STC2: variants seen among roughly 807,000 people sequenced by gnomAD.
STC2 encodes stanniocalcin-2.
STC2 carries 7 observed loss-of-function variants against 22.7 expected under a neutral mutation model. The ratio of observed to expected loss-of-function variants is 0.31; its 90% CI spans 0.18 to 0.58. STC2 has a LOEUF of 0.58. Among genes scored for constraint, STC2 ranks in the 20% least tolerant of loss-of-function variants. The pLI, the probability that STC2 is intolerant of heterozygous loss-of-function variation, is 0.89. For missense variants in STC2, 336 were observed against 406.2 expected, an observed-to-expected ratio of 0.83 and a Z score of 1.48; for synonymous variants, 158 against 163.4, an observed-to-expected ratio of 0.97 and a Z score of 0.25.
In STC2 at chr5:173,323,827, C is replaced by T. The variant is rs1470118247; in HGVS notation, c.295-397G>A. The stretch of plus-strand genomic sequence containing the variant: ...GCCAGACACAAATCCATAAATCCCT[C>T]ACGGTTCTCACAAGCAGTCTTCCCT... On this transcript the variant is annotated intron_variant, in intron 2 of 3. Transcript: ENST00000265087. This position sits in a 1 kb window ranked among gnomAD's most constrained non-coding sequence, Gnocchi z 5.4. Among the ~76,000 whole-genome samples, 1 of 152,132 alleles carries T rather than the reference C, an allele frequency of 6.6e-6. No homozygotes were observed. The highest frequency in any genetic ancestry group is 2.4e-5 in the African/African-American group (1 of 41,420).
In STC2 at chr5:173,317,920, A is replaced by G; in HGVS notation, c.836T>C (p.Leu279Pro). Residue 279 changes from leucine (L) to proline (P), a missense_variant, in exon 4 of 4, where the codon CTT becomes CCT. Leu to Pro is a moderately conservative substitution (Grantham distance 98). This residue lies in a region of STC2 where 215 missense variants were observed against 231.5 expected (regional missense o/e 0.93). Coordinates refer to ENST00000265087, the MANE Select transcript of STC2 (RefSeq NM_003714.3). ...GCTTCCGGAAGGTCCCTGAGCCCCA[A>G]GGCCCCCGACTCTGCCTCGGGCATG... ...NAHARGRVGG[L>P]GAQGPSGSSE... 1.2e-6 allele frequency: 2 copies of G among 1,612,530 alleles called. No individual in the cohort carries two copies. The highest frequency in any genetic ancestry group is 1.7e-6 in the Non-Finnish European group (2 of 1,179,122).
intron 1 of STC2, among the ~76,000 whole-genome samples, chr5:173,327,796 G>A (rs1453959068): frequency 6.6e-6 from 1 of 152,244 alleles, no homozygotes; most frequent in Non-Finnish European, 1.5e-5. Flanking sequence ...TCGACCCTGG[G>A]GAGGACAGCA....
Position 173,323,347 on chromosome 5 carries a change from C to T in STC2, c.378G>A (p.Pro126=). The T allele has an allele frequency of 2.5e-6, 4 of 1,614,224 alleles. No individual in the cohort carries two copies. Among genetic ancestry groups the T allele is most frequent in the Admixed American group, 1.7e-5 (1 of 60,028 alleles). The stretch of plus-strand genomic sequence containing the variant: ...ACTGGGACACCATTTCCCTGATGGC[C>T]GGGCACTTCCGGCTTATGCAGCCGA... ...HRFGCISRKC[P]AIREMVSQLQ... The change falls in exon 3 of 4, where the codon CCG becomes CCA. Residue 126 remains proline, a synonymous_variant. Transcript: ENST00000265087. This position sits in a 1 kb window ranked among gnomAD's most constrained non-coding sequence, Gnocchi z 5.4.
In STC2 at chr5:173,325,707, G is replaced by A. The variant is rs1030270721; in HGVS notation, c.294+161C>T. On this transcript the variant is annotated intron_variant, in intron 2 of 3. Transcript: ENST00000265087. This position sits in a 1 kb window ranked among gnomAD's most constrained non-coding sequence, Gnocchi z 4.7. ...TAGACACAGCTTATGAGTGCAGAAGGGAGACACTGGCATAATGTTTTATAC... is the reference window on the plus strand; with the variant it reads ...TAGACACAGCTTATGAGTGCAGAAGAGAGACACTGGCATAATGTTTTATAC... 8 of 955,754 alleles carry A rather than the reference G, an allele frequency of 8.4e-6. No individual in the cohort carries two copies. The African/African-American group carries it at 1.1e-4, about 14-fold the overall frequency. The allele number at this position is 955,754 out of a possible 1,614,324, so 59.2% of individuals were successfully genotyped here. A position where few individuals can be genotyped will look rare whatever the true frequency, so the allele number is the denominator to read the frequency against.
At chr5:173,327,270 T>C (rs1175070120) in intron 1 of STC2, among the ~76,000 whole-genome samples, 1 of 152,222 alleles carries the variant, frequency 6.6e-6, no homozygotes, top group Non-Finnish European at 1.5e-5. Flanking sequence ...GGAGGGGTCG[T>C]GGAGCGAAGG....
intron 3 of STC2, chr5:173,322,881 ACCTCTACAGCTACT>A (rs1762503554): frequency 3.2e-6 from 1 of 314,884 alleles, no homozygotes; most frequent in African/African-American, 2.1e-5. Context: ...CTGTAAGGAC[ACCTCTACAGCTACT>A]CAGAATATTC....
Position 173,318,049 on chromosome 5 carries a change from C to T in STC2, c.707G>A (p.Arg236Lys), listed in dbSNP as rs772205469. ...QPQVDRTKLS[R>K]AHHGEAGHHL... The stretch of plus-strand genomic sequence containing the variant: ...ATGTCCTGCTTCCCCGTGGTGGGCC[C>T]TGGAGAGCTTGGTTCTGTCCACCTG... Residue 236 changes from arginine to lysine, a missense_variant, in exon 4 of 4, where the codon AGG becomes AAG. Arg to Lys is a conservative substitution (Grantham distance 26). Coordinates refer to ENST00000265087, the MANE Select transcript of STC2 (RefSeq NM_003714.3). 6.2e-7 allele frequency: 1 copy of T among 1,611,212 alleles called. No individual in the cohort carries two copies. Among genetic ancestry groups the T allele is most frequent in the South Asian group, 1.1e-5 (1 of 90,956 alleles).
At position 173,318,264 on chromosome 5, in the gene STC2, CAAAGAGAG is replaced by C; in HGVS notation, c.507-23_507-16del. The C allele has an allele frequency of 1.7e-6, 2 of 1,177,016 alleles. No homozygotes were observed. The allele number at this position is 1,177,016 out of a possible 1,614,324, so 72.9% of individuals were successfully genotyped here. On this transcript the variant is annotated splice_polypyrimidine_tract_variant and intron_variant, in intron 3 of 3. Coordinates refer to ENST00000265087, the MANE Select transcript of STC2 (RefSeq NM_003714.3). Reference sequence around the variant, plus strand: ...CCACGTAGGGTCTAAAGATTGAAAGCAAAGAGAGAGAGAGAGAGAGAGAGAGAGAGAGA... The same window carrying C: ...CCACGTAGGGTCTAAAGATTGAAAGCAGAGAGAGAGAGAGAGAGAGAGAGA...
chr5:173,322,584 G>A (rs918186576), intron 3 of STC2, among the ~76,000 whole-genome samples: 1 of 152,212 alleles, frequency 6.6e-6, no homozygotes, highest in Non-Finnish European at 1.5e-5. Context: ...CCTTCTAAGG[G>A]AAAGGAAAGT....
chr5:173,324,541 C>T (rs930330585), intron 2 of STC2, among the ~76,000 whole-genome samples: 1 of 152,196 alleles, frequency 6.6e-6, no homozygotes, highest in African/African-American at 2.4e-5. Context: ...AACCATGTGG[C>T]CCGCATGGCC....
chr5:173,324,040 C>G (rs2113137709), intron 2 of STC2: 1 of 155,824 alleles, frequency 6.4e-6, no homozygotes, highest in East Asian at 1.9e-4. Flanking sequence ...GAAAATGACT[C>G]TACTCCTTTA....
In STC2 at chr5:173,323,503, C is replaced by G. The variant is rs563179465; in HGVS notation, c.295-73G>C. 2.4e-4 allele frequency: 333 copies of G among 1,410,838 alleles called. 1 individual carries two copies. The highest frequency in any genetic ancestry group is 1.2e-3 in the Admixed American group (63 of 50,778). The allele number at this position is 1,410,838 out of a possible 1,614,324, so 87.4% of individuals were successfully genotyped here. A position where few individuals can be genotyped will look rare whatever the true frequency, so the allele number is the denominator to read the frequency against. On this transcript the variant is annotated intron_variant, in intron 2 of 3. Coordinates refer to ENST00000265087, the MANE Select transcript of STC2 (RefSeq NM_003714.3). This position sits in a 1 kb window ranked among gnomAD's most constrained non-coding sequence, Gnocchi z 5.4. Reference sequence around the variant, plus strand: ...GACCTCGTTACATGCTTGGACATTTCAGCCCTTCTTGGGCTTACACAGGAT... The same window carrying G: ...GACCTCGTTACATGCTTGGACATTTGAGCCCTTCTTGGGCTTACACAGGAT...
Position 173,317,914 on chromosome 5 carries a change from G to A in STC2, c.842C>T (p.Ala281Val), listed in dbSNP as rs1444926070. ...CTCGCTGCTTCCGGAAGGTCCCTGA[G>A]CCCCAAGGCCCCCGACTCTGCCTCG... Reference protein sequence around the residue: ...HARGRVGGLGAQGPSGSSEWE... With the variant: ...HARGRVGGLGVQGPSGSSEWE... The change falls in exon 4 of 4, where the codon GCT (alanine) becomes GTT (valine). Residue 281 changes from alanine (A) to valine (V), a missense_variant. Ala to Val is a moderately conservative substitution (Grantham distance 64). Around this residue, in one of 3 missense-constraint regions of STC2, gnomAD observed 215 missense variants for 231.5 expected, o/e 0.93. Transcript: ENST00000265087. 6.2e-7 allele frequency: 1 copy of A among 1,612,252 alleles called. No homozygotes were observed. Among genetic ancestry groups the A allele is most frequent in the Admixed American group, 1.7e-5 (1 of 59,966 alleles).
Position 173,317,052 on chromosome 5 carries a change from A to G in STC2, c.*795T>C, listed in dbSNP as rs1476345111. The stretch of plus-strand genomic sequence containing the variant: ...TTAAACCCCCTTTGAGCTGGTTTTA[A>G]TGACCCAGTTGCTTTGTTTGAAAGC... On this transcript the variant is annotated 3_prime_UTR_variant, in exon 4 of 4. Transcript: ENST00000265087. 1.3e-5 allele frequency: 2 copies of G among 152,206 alleles called. No homozygotes were observed. Among genetic ancestry groups the G allele is most frequent in the African/African-American group, 2.4e-5 (1 of 41,412 alleles). The allele number at this position is 152,206 out of a possible 1,614,324, so 9.4% of individuals were successfully genotyped here. A position where few individuals can be genotyped will look rare whatever the true frequency, so the allele number is the denominator to read the frequency against.
intron 3 of STC2, chr5:173,322,982 G>C: frequency 3.5e-6 from 2 of 564,162 alleles, no homozygotes; most frequent in East Asian, 6.0e-5. Flanking sequence ...TTAGTAAAAC[G>C]ATTTCCCATT....
Position 173,322,570 on chromosome 5 carries a change from C to G in STC2, c.506+649G>C, listed in dbSNP as rs371514185. On this transcript the variant is annotated intron_variant, in intron 3 of 3. Transcript: ENST00000265087. Reference sequence around the variant, plus strand: ...CACTAATGTATGAGAGAAGGTAAACCGAACCTTCTAAGGGAAAGGAAAGTT... The same window carrying G: ...CACTAATGTATGAGAGAAGGTAAACGGAACCTTCTAAGGGAAAGGAAAGTT... Among the ~76,000 whole-genome samples the G allele has an allele frequency of 1.8e-3, 273 of 152,266 alleles. 2 individuals are homozygous for G. The highest frequency in any genetic ancestry group is 6.4e-3 in the African/African-American group (266 of 41,548).
In STC2 at chr5:173,317,042, G is replaced by T; in HGVS notation, c.*805C>A. 1 of 151,802 alleles carries T rather than the reference G, an allele frequency of 6.6e-6. No homozygotes were observed. 9.4% of individuals were successfully genotyped at this position (151,802 alleles called of 1,614,324 possible). ...TTTTTTTTTTTTAAACCCCCTTTGAGCTGGTTTTAATGACCCAGTTGCTTT... is the reference window on the plus strand; with the variant it reads ...TTTTTTTTTTTTAAACCCCCTTTGATCTGGTTTTAATGACCCAGTTGCTTT... On this transcript the variant is annotated 3_prime_UTR_variant, in exon 4 of 4. Coordinates refer to ENST00000265087, the MANE Select transcript of STC2 (RefSeq NM_003714.3).
Position 173,317,585 on chromosome 5 carries a change from A to C in STC2, c.*262T>G. ...CCCACTGACTCCACAGATGGAAAGA[A>C]GACAAAGGTACGAGGATAACGCGGG... On this transcript the variant is annotated 3_prime_UTR_variant, in exon 4 of 4. Coordinates refer to ENST00000265087, the MANE Select transcript of STC2 (RefSeq NM_003714.3). The C allele has an allele frequency of 3.3e-6, 1 of 301,688 alleles. No homozygotes were observed. The highest frequency in any genetic ancestry group is 9.0e-4 in the Middle Eastern group (1 of 1,112). The allele number at this position is 301,688 out of a possible 1,614,324, so 18.7% of individuals were successfully genotyped here.
chr5:173,323,083 C>A lies in STC2; in HGVS notation c.506+136G>T, dbSNP rs184824632. 9.9e-6 allele frequency: 8 copies of A among 804,568 alleles called. No homozygotes were observed. The highest frequency in any genetic ancestry group is 4.4e-5 in the Admixed American group (2 of 45,730). The allele number at this position is 804,568 out of a possible 1,614,324, so 49.8% of individuals were successfully genotyped here. On this transcript the variant is annotated intron_variant, in intron 3 of 3. Transcript: ENST00000265087. This position sits in a 1 kb window ranked among gnomAD's most constrained non-coding sequence, Gnocchi z 5.4. ...GGGCCTTTTAGTAGAGTCAGTGTAG[C>A]TTTCTGAAGTAAATGGAAGCCTTCT...
Sources: allele counts gnomAD v4.1 joint callset (sites outside exome capture counted in the v4.1 genomes callset), GRCh38; gene constraint gnomAD v4.1.1; regional missense constraint gnomAD v4.1.1; non-coding constraint Gnocchi (gnomAD v3.1); transcripts MANE v1.5; gene names NCBI Gene and HGNC (gene_info 2026-07-23, HGNC 2026-07-21).